The following ZNF483 variants were observed in gnomAD, a reference collection of about 807,000 sequenced individuals.
ZNF483 encodes zinc finger protein 483, also known as zinc finger protein HIT-10.
A neutral mutation model predicts 28.6 loss-of-function variants in ZNF483; 9 were observed. The ratio of observed to expected loss-of-function variants is 0.32; its 90% confidence interval spans 0.19 to 0.55. The LOEUF (loss-of-function observed/expected upper bound fraction) is 0.55, where lower values mean the gene tolerates loss of function less well. Ranked by LOEUF, ZNF483 falls within the 20% of genes least tolerant of loss-of-function variation. The pLI is 0.93. For missense variants in ZNF483, 675 were observed against 871.7 expected (o/e 0.77, Z 2.84); for synonymous variants, 322 against 306.2 (o/e 1.05, Z -0.54).
At chr9:111,574,941 C>T (rs1828994190) in intron 5 of ZNF483, 3 of 923,570 alleles carry the variant, frequency 3.2e-6, no homozygotes, top group African/African-American at 3.3e-5. Context: ...CCTGTTTTAG[C>T]AGCAACAAAA....
At chr9:111,541,148 G>A (rs1016816162) in intron 5 of ZNF483, among the ~76,000 whole-genome samples, 1 of 146,314 alleles carries the variant, frequency 6.8e-6, no homozygotes, top group Admixed American at 7.0e-5. Flanking sequence ...GGAGTGCAGT[G>A]CCACAATCTC....
At chr9:111,569,552 C>T (rs1011777342) in intron 5 of ZNF483, among the ~76,000 whole-genome samples, 14 of 152,058 alleles carry the variant, frequency 9.2e-5, no homozygotes, top group Admixed American at 5.9e-4. Context: ...CTGAGGCGGG[C>T]GCATCACTTG....
chr9:111,534,192 A>G (rs1827420630), intron 4 of ZNF483, 69 bp from the exon 5 acceptor site: 3 of 1,269,456 alleles, frequency 2.4e-6, no homozygotes, highest in African/African-American at 1.5e-5. Context: ...ACCAGAGGCT[A>G]TATGTGAATG....
intron 1 of ZNF483, 106 bp downstream of exon 1, chr9:111,525,368 G>GTGCGC (rs1475630139): frequency 6.6e-6 from 1 of 152,276 alleles, no homozygotes; most frequent in East Asian, 1.9e-4. Flanking sequence ...CCAACGGGCT[G>GTGCGC]TGCGCTGCGC....
In ZNF483 at chr9:111,550,716, G is replaced by A. The variant is rs2132278353; in HGVS notation, c.*7546G>A. Among the ~76,000 whole-genome samples, 1 of 152,186 alleles carries A rather than the reference G, an allele frequency of 6.6e-6. No homozygotes were observed. Among genetic ancestry groups the A allele is most frequent in the South Asian group, 2.1e-4 (1 of 4,828 alleles). ...AAGATTTCTTCAACTTTATCTTCCAGCTCTACTATTAAATGTTGTGAATGT... is the reference window on the plus strand; with the variant it reads ...AAGATTTCTTCAACTTTATCTTCCAACTCTACTATTAAATGTTGTGAATGT... On this transcript the variant is annotated 3_prime_UTR_variant, in exon 6 of 6. Coordinates refer to ENST00000309235, the MANE Select transcript of ZNF483 (RefSeq NM_133464.5).
At chr9:111,574,836 C>T (rs776386515) in intron 5 of ZNF483, 1 of 1,611,956 alleles carries the variant, frequency 6.2e-7, no homozygotes, top group Non-Finnish European at 8.5e-7. Flanking sequence ...GAAAACTCTC[C>T]ACCTACCTAA....
In ZNF483 at chr9:111,547,100, T is replaced by C. The variant is rs190892636; in HGVS notation, c.*3930T>C. On this transcript the variant is annotated 3_prime_UTR_variant, in exon 6 of 6. Coordinates refer to ENST00000309235, the MANE Select transcript of ZNF483 (RefSeq NM_133464.5). ...ATCCTTTTATCTGCCAGTGAACATT[T>C]AAGTTGTTTGCACCATTTTGGCTAT... Among the ~76,000 whole-genome samples the C allele has an allele frequency of 5.0e-4, 76 of 152,324 alleles. No individual in the cohort carries two copies. The highest frequency in any genetic ancestry group is 7.1e-4 in the Non-Finnish European group (48 of 68,006).
chr9:111,551,393 A>AGTGTTT lies in ZNF483; in HGVS notation c.*8225_*8226insGTTTGT, dbSNP rs1564602840. Among the ~76,000 whole-genome samples, 1 of 134,456 alleles carries AGTGTTT rather than the reference A, an allele frequency of 7.4e-6. No homozygotes were observed. The highest frequency in any genetic ancestry group is 2.8e-5 in the African/African-American group (1 of 36,100). 88.2% of individuals were successfully genotyped at this position (134,456 alleles called of 152,430 possible). On this transcript the variant is annotated 3_prime_UTR_variant, in exon 6 of 6. Coordinates refer to ENST00000309235, the MANE Select transcript of ZNF483 (RefSeq NM_133464.5). ...TTTCCAATAACTGAATCAAGTATCC[A>AGTGTTT]GTTTTTGTTTTTTTTTTTTTTTTTT...
intron 5 of ZNF483, chr9:111,563,220 C>T (rs928365134): frequency 6.2e-7 from 1 of 1,612,926 alleles, no homozygotes; most frequent in African/African-American, 1.3e-5. Flanking sequence ...ATTCCTTGTA[C>T]TGGATTTTAC....
At position 111,549,838 on chromosome 9, in the gene ZNF483, T is replaced by C; in HGVS notation, c.*6668T>C. The C allele has an allele frequency of 7.7e-7, 1 of 1,293,066 alleles. No homozygotes were observed. The highest frequency in any genetic ancestry group is 1.3e-5 in the South Asian group (1 of 77,912). The allele number at this position is 1,293,066 out of a possible 1,614,324, so 80.1% of individuals were successfully genotyped here. ...CAGAACATTTAGCTCTTTGAGCATCTTTAAGGCAGTTGCTTTAAAGTCTGT... is the reference window on the plus strand; with the variant it reads ...CAGAACATTTAGCTCTTTGAGCATCCTTAAGGCAGTTGCTTTAAAGTCTGT... On this transcript the variant is annotated 3_prime_UTR_variant, in exon 6 of 6. Transcript: ENST00000309235.
Position 111,543,077 on chromosome 9 carries a change from C to G in ZNF483, c.2142C>G (p.Thr714=). Residue 714 remains threonine, a synonymous_variant, in exon 6 of 6, where the codon ACC becomes ACG. Coordinates refer to ENST00000309235, the MANE Select transcript of ZNF483 (RefSeq NM_133464.5). The part of the protein sequence containing the change: ...SILVEHLKIH[T]GRREYECNEC... ...TTGTAGAACACCTAAAAATTCATAC[C>G]GGAAGGAGAGAATATGAATGTAACG... The G allele has an allele frequency of 6.2e-7, 1 of 1,613,922 alleles. No individual in the cohort carries two copies. Among genetic ancestry groups the G allele is most frequent in the Non-Finnish European group, 8.5e-7 (1 of 1,179,944 alleles).
intron 5 of ZNF483, among the ~76,000 whole-genome samples, chr9:111,536,482 G>A (rs568328651): frequency 6.1e-4 from 93 of 152,202 alleles, no homozygotes; most frequent in African/African-American, 2.1e-3. Context: ...CCGAGATGGC[G>A]CCACAGCACT....
chr9:111,539,496 G>GC (rs1204277064), intron 5 of ZNF483: 1 of 454,374 alleles, frequency 2.2e-6, no homozygotes, highest in South Asian at 1.6e-5. Context: ...GGGTGTGGTG[G>GC]CTCATGCCTG....
Position 111,533,831 on chromosome 9 carries a change from G to C in ZNF483, c.594G>C (p.Val198=). ...TTCAAAAGGAGCTATATAAGGAAGT[G>C]CTACTGGAAAACCTCAGGAACCTAG... The part of the protein sequence containing the change: ...EPFQKELYKE[V]LLENLRNLEF... Residue 198 remains valine (V), a synonymous_variant, in exon 4 of 6, where the codon GTG becomes GTC. Coordinates refer to ENST00000309235, the MANE Select transcript of ZNF483 (RefSeq NM_133464.5). 6.3e-7 allele frequency: 1 copy of C among 1,592,318 alleles called. No individual in the cohort carries two copies. Among genetic ancestry groups the C allele is most frequent in the African/African-American group, 1.4e-5 (1 of 73,316 alleles).
intron 5 of ZNF483, among the ~76,000 whole-genome samples, chr9:111,573,607 G>A (rs1828928939): frequency 6.6e-6 from 1 of 152,054 alleles, no homozygotes; most frequent in Admixed American, 6.5e-5. Context: ...GGTAATTTGT[G>A]ATCTCTCTTA....
At chr9:111,566,789 T>G (rs1458506140) in intron 5 of ZNF483, among the ~76,000 whole-genome samples, 1 of 152,166 alleles carries the variant, frequency 6.6e-6, no homozygotes, top group African/African-American at 2.4e-5. Context: ...GGAGGTTACA[T>G]CCTCAAGAAG....
chr9:111,559,193 C>T (rs750372069), downstream of ZNF483, among the ~76,000 whole-genome samples: 1 of 152,190 alleles, frequency 6.6e-6, no homozygotes, highest in Non-Finnish European at 1.5e-5. Context: ...CACTCACTCG[C>T]ACGTGATACC....
At position 111,545,186 on chromosome 9, in the gene ZNF483, T is replaced by A. The variant is rs1827778752; in HGVS notation, c.*2016T>A. 6.6e-6 allele frequency among the ~76,000 whole-genome samples: 1 copy of A among 152,214 alleles called. No individual in the cohort carries two copies. Among genetic ancestry groups the A allele is most frequent in the South Asian group, 2.1e-4 (1 of 4,836 alleles). ...CACATCCTAGCCATGAAAGGAATGT[T>A]TATTATGAGAATCATTCATAATGGT... On this transcript the variant is annotated 3_prime_UTR_variant, in exon 6 of 6. Coordinates refer to ENST00000309235, the MANE Select transcript of ZNF483 (RefSeq NM_133464.5).
At position 111,533,750 on chromosome 9, in the gene ZNF483, A is replaced by G; in HGVS notation, c.513A>G (p.Thr171=). The G allele has an allele frequency of 1.3e-6, 2 of 1,570,872 alleles. No homozygotes were observed. Among genetic ancestry groups the G allele is most frequent in the Non-Finnish European group, 1.7e-6 (2 of 1,167,626 alleles). ...GTTTGGTGTTCTAGGAATCTATAAC[A>G]TTGAAGGATGTAGCTGTGAACTTTT... is the stretch of plus-strand genomic sequence containing the variant. The part of the protein sequence containing the change: ...CPNTESCESI[T]LKDVAVNFSR... Residue 171 remains threonine, a synonymous_variant, in exon 4 of 6, where the codon ACA becomes ACG. Coordinates refer to ENST00000309235, the MANE Select transcript of ZNF483 (RefSeq NM_133464.5).
Sources: gnomAD v4.1 joint callset for allele counts (sites outside exome capture counted in the v4.1 genomes callset) on GRCh38, gnomAD v4.1.1 for gene constraint, MANE v1.5 for transcripts, NCBI Gene and HGNC (gene_info 2026-07-23, HGNC 2026-07-21) for gene names.